Variants in NRXN3 observed in about 807,000 individuals in gnomAD.
The protein encoded by NRXN3 is neurexin 3, also known as neurexin III.
In NRXN3, 32 loss-of-function variants were observed where a neutral mutation model predicts 137.6. The observed-to-expected ratio is 0.23, with a 90% CI of 0.18 to 0.31. NRXN3 has a LOEUF of 0.31. Among genes scored for constraint, NRXN3 ranks in the 10% least tolerant of loss-of-function variants. NRXN3 has a pLI of 1.00. For missense variants in NRXN3, 1,574 were observed against 2,062.5 expected (o/e 0.76, Z 4.59); for synonymous variants, 798 against 784.5 (o/e 1.02, Z -0.29).
intron 20 of NRXN3, among the ~76,000 whole-genome samples, chr14:79,857,794 A>C (rs2099405944): frequency 6.6e-6 from 1 of 152,204 alleles, no homozygotes; most frequent in Admixed American, 6.5e-5. Context: ...TTTAAACTAA[A>C]GGCAATCTTC....
intron 20 of NRXN3, among the ~76,000 whole-genome samples, chr14:79,818,203 G>A (rs1323361205): frequency 5.9e-5 from 9 of 151,964 alleles, no homozygotes; most frequent in African/African-American, 9.7e-5. Flanking sequence ...ACAGGTGCCC[G>A]CCACCACGCC....
chr14:78,733,826 A>G (rs1474563014), intron 8 of NRXN3, among the ~76,000 whole-genome samples: 2 of 152,184 alleles, frequency 1.3e-5, no homozygotes, highest in Non-Finnish European at 2.9e-5. Context: ...AGACCGTATT[A>G]TATGACATGC....
intron 15 of NRXN3, among the ~76,000 whole-genome samples, chr14:79,161,144 G>T (rs1311561945): frequency 2.6e-5 from 4 of 151,884 alleles, no homozygotes; most frequent in Admixed American, 2.6e-4. Context: ...TATATTGAGA[G>T]AATAACTTAC....
At chr14:78,381,430 A>G (rs1177832634) in intron 4 of NRXN3, among the ~76,000 whole-genome samples, 1 of 152,226 alleles carries the variant, frequency 6.6e-6, no homozygotes, top group Non-Finnish European at 1.5e-5. Context: ...TTAAAAGTCA[A>G]CAGTAAAAAA....
At chr14:78,259,787 C>T (rs1352859953) in intron 2 of NRXN3, among the ~76,000 whole-genome samples, 1 of 152,130 alleles carries the variant, frequency 6.6e-6, no homozygotes, top group Non-Finnish European at 1.5e-5. Context: ...GCTTGCTGTG[C>T]ATCAGTTTTC....
intron 14 of NRXN3, 75 bp from the exon 15 acceptor site, chr14:78,987,947 T>G: frequency 6.7e-7 from 1 of 1,494,058 alleles, no homozygotes; most frequent in Non-Finnish European, 9.0e-7. Flanking sequence ...TTCAGGTGAT[T>G]TCCTTGAATC....
chr14:78,880,038 G>A (rs540181030), intron 10 of NRXN3, among the ~76,000 whole-genome samples: 3 of 141,542 alleles, frequency 2.1e-5, no homozygotes, highest in Admixed American at 1.3e-4. Context: ...AGGAGATCGA[G>A]ACCATCCCGG....
intron 16 of NRXN3, among the ~76,000 whole-genome samples, chr14:79,637,837 C>G (rs1057238488): frequency 6.1e-5 from 9 of 146,898 alleles, no homozygotes; most frequent in African/African-American, 2.3e-4. Context: ...TCAAGCGATT[C>G]TCCTGCCTCA....
chr14:79,333,952 G>A (rs1268538660), intron 15 of NRXN3, among the ~76,000 whole-genome samples: 6 of 152,064 alleles, frequency 3.9e-5, no homozygotes, highest in African/African-American at 7.2e-5. Context: ...GCTGTGTGCC[G>A]ATCTTGAGCC....
rs1208782807 is a variant in NRXN3 at position 78,943,614 on chromosome 14, AAAAAAAAAT to A, written c.2276-13626_2276-13618del. On this transcript the variant is annotated intron_variant, in intron 10 of 20. Transcript: ENST00000335750. The stretch of plus-strand genomic sequence containing the variant: ...GAAAAGAAGCAAGATCACTGTTAAA[AAAAAAAAAT>A]ATATATATATATATATATATATATA... Among the ~76,000 whole-genome samples the A allele has an allele frequency of 3.2e-4, 14 of 44,152 alleles. 1 individual carries two copies. Among genetic ancestry groups the A allele is most frequent in the South Asian group, 1.0e-3 (1 of 988 alleles). 29.0% of individuals were successfully genotyped at this position (44,152 alleles called of 152,430 possible).
At chr14:79,433,897 G>A (rs777369818) in intron 15 of NRXN3, among the ~76,000 whole-genome samples, 5 of 152,226 alleles carry the variant, frequency 3.3e-5, no homozygotes, top group South Asian at 4.1e-4. Flanking sequence ...AACATAGAAC[G>A]TAGGATCCAG....
At position 79,308,711 on chromosome 14, in the gene NRXN3, CAA is replaced by C. The variant is rs1267772113; in HGVS notation, c.3263-158507_3263-158506del. Reference sequence around the variant, plus strand: ...ATGGAAGCTAGATGAAGAACAAAATCAAAAGTGTCTCTCTTGTCTTGCATGAT... The same window carrying C: ...ATGGAAGCTAGATGAAGAACAAAATCAAGTGTCTCTCTTGTCTTGCATGAT... On this transcript the variant is annotated intron_variant, in intron 15 of 20. Transcript: ENST00000335750. Among the ~76,000 whole-genome samples the C allele has an allele frequency of 2.0e-5, 3 of 151,858 alleles. No individual in the cohort carries two copies. The East Asian group carries it at 5.8e-4, about 29-fold the overall frequency.
intron 4 of NRXN3, among the ~76,000 whole-genome samples, chr14:78,426,655 A>G (rs951796824): frequency 2.6e-5 from 4 of 152,056 alleles, no homozygotes; most frequent in African/African-American, 9.7e-5. Flanking sequence ...AACTCCAGGA[A>G]ATGTAGCTGG....
chr14:79,167,354 G>T (rs2061376417), intron 15 of NRXN3, among the ~76,000 whole-genome samples: 1 of 151,410 alleles, frequency 6.6e-6, no homozygotes, highest in Non-Finnish European at 1.5e-5. Flanking sequence ...GGGTAAGGAG[G>T]AGGTAACTAG....
chr14:79,036,842 A>C (rs2099616927), intron 15 of NRXN3, among the ~76,000 whole-genome samples: 1 of 151,990 alleles, frequency 6.6e-6, no homozygotes, highest in Admixed American at 6.6e-5. Flanking sequence ...AATGAATGGA[A>C]GGGAAGGCGG....
At chr14:78,314,211 A>C (rs1172736120) in intron 4 of NRXN3, among the ~76,000 whole-genome samples, 2 of 152,172 alleles carry the variant, frequency 1.3e-5, no homozygotes, top group Non-Finnish European at 2.9e-5. Context: ...TTTCTCTGTT[A>C]GTCTGTGTTT....
intron 15 of NRXN3, among the ~76,000 whole-genome samples, chr14:79,094,948 AAGAG>A (rs138948861): frequency 0.037 from 4,990 of 134,676 alleles, 352 homozygotes; most frequent in African/African-American, 0.13. Flanking sequence ...GAGAGAGAGA[AAGAG>A]AGAGAGAGAG....
chr14:78,442,866 A>G (rs995751901), intron 4 of NRXN3, among the ~76,000 whole-genome samples: 20 of 152,218 alleles, frequency 1.3e-4, no homozygotes, highest in African/African-American at 3.6e-4. Flanking sequence ...AATAAGAGCA[A>G]TTGACATTTG....
At chr14:78,551,964 CT>C (rs2096695695) in intron 4 of NRXN3, among the ~76,000 whole-genome samples, 1 of 152,148 alleles carries the variant, frequency 6.6e-6, no homozygotes, top group African/African-American at 2.4e-5. Flanking sequence ...GATCCCCAGA[CT>C]TTGCTTGTTG....
Sources: gnomAD v4.1 joint callset for allele counts (sites outside exome capture counted in the v4.1 genomes callset) on GRCh38, gnomAD v4.1.1 for gene constraint, MANE v1.5 for transcripts, NCBI Gene and HGNC (gene_info 2026-07-23, HGNC 2026-07-21) for gene names.